FRK: variants seen among roughly 807,000 people sequenced by gnomAD.
The protein encoded by FRK is tyrosine-protein kinase FRK.
Under a neutral mutation model 56.4 loss-of-function variants are expected in FRK, and 51 were observed. The ratio of observed to expected loss-of-function variants is 0.90; its 90% CI spans 0.72 to 1.14. The LOEUF (loss-of-function observed/expected upper bound fraction) is 1.14, where lower values mean the gene tolerates loss of function less well. FRK is among the 50% of genes most tolerant of loss of function. The probability of loss-of-function intolerance (pLI) is 0.00; values close to 1 mark genes in which losing one functional copy is unlikely to be tolerated. For missense variants in FRK, 570 were observed against 601.4 expected (o/e 0.95, Z 0.55); for synonymous variants, 245 against 217.9 (o/e 1.12, Z -1.10).
In FRK at chr6:116,043,985, A is replaced by G. The variant is rs373660306; in HGVS notation, c.344+15983T>C. Among the ~76,000 whole-genome samples, 9 of 152,236 alleles carry G rather than the reference A, an allele frequency of 5.9e-5. No homozygotes were observed. In the East Asian group the frequency reaches 1.5e-3, roughly 26 times the overall value. On this transcript the variant is annotated intron_variant, in intron 1 of 7. Coordinates refer to ENST00000606080, the MANE Select transcript of FRK (RefSeq NM_002031.3). ...TACACAAATAAACTAGAAAATCCAG[A>G]AGAAATGGATAAATTCCTGGAAACA...
intron 5 of FRK, among the ~76,000 whole-genome samples, chr6:115,952,394 A>G (rs1772798969): frequency 6.6e-6 from 1 of 152,266 alleles, no homozygotes; most frequent in African/African-American, 2.4e-5. Flanking sequence ...ACCAGTTAGA[A>G]TGGCAATCAT....
chr6:116,096,664 T>C, the FRK span, among the ~76,000 whole-genome samples: 1 of 152,006 alleles, frequency 6.6e-6, no homozygotes, highest in Admixed American at 6.5e-5. Context: ...ATCAGCACTC[T>C]ATAAAATGGA....
chr6:115,952,325 G>A (rs113364371), intron 5 of FRK, among the ~76,000 whole-genome samples: 5,139 of 152,074 alleles, frequency 0.034, 103 homozygotes, highest in Non-Finnish European at 0.054. Context: ...AAAAAAATGC[G>A]CACCATCACT....
rs374267660 is a variant in FRK, at chr6:116,060,198, G to T, written c.114C>A (p.Pro38=). The T allele has an allele frequency of 6.2e-7, 1 of 1,614,152 alleles. No homozygotes were observed. The change falls in exon 1 of 8, where the codon CCC becomes CCA. Residue 38 remains proline, a synonymous_variant. Coordinates refer to ENST00000606080, the MANE Select transcript of FRK (RefSeq NM_002031.3). ...VIENPGALCS[P]QSQRHGHYFV... The stretch of plus-strand genomic sequence containing the variant: ...AGTAGTGGCCATGCCTCTGTGACTG[G>T]GGAGAGCAAAGGGCCCCTGGATTTT...
At chr6:116,034,907 A>G (rs1323731685) in intron 1 of FRK, among the ~76,000 whole-genome samples, 1 of 152,102 alleles carries the variant, frequency 6.6e-6, no homozygotes, top group Non-Finnish European at 1.5e-5. Flanking sequence ...ATTTGCTTCA[A>G]AATAACACCA....
chr6:115,956,437 A>T lies in FRK; in HGVS notation c.958+15T>A. ...AAATTCCTCTTTTTTTCCTTGTATT[A>T]AGTCTTTAGCTTACTTTGGAGATAT... On this transcript the variant is annotated intron_variant, in intron 5 of 7. Transcript: ENST00000606080. The T allele has an allele frequency of 1.3e-6, 2 of 1,486,322 alleles. No homozygotes were observed. Among genetic ancestry groups the T allele is most frequent in the Non-Finnish European group, 9.0e-7 (1 of 1,115,312 alleles). The allele number at this position is 1,486,322 out of a possible 1,614,324, so 92.1% of individuals were successfully genotyped here.
chr6:116,059,589 G>A (rs1241563529), intron 1 of FRK, among the ~76,000 whole-genome samples: 3 of 152,120 alleles, frequency 2.0e-5, no homozygotes, highest in Admixed American at 6.5e-5. Context: ...CTGAAGTTTA[G>A]ATTTGAGAAT....
At chr6:116,030,734 C>T (rs1296728310) in intron 1 of FRK, among the ~76,000 whole-genome samples, 2 of 152,164 alleles carry the variant, frequency 1.3e-5, no homozygotes, top group Non-Finnish European at 2.9e-5. Context: ...GTATCCTTTA[C>T]AATATCCTTT....
At position 115,942,276 on chromosome 6, in the gene FRK, A is replaced by G; in HGVS notation, c.*138T>C. 1 of 695,414 alleles carries G rather than the reference A, an allele frequency of 1.4e-6. No homozygotes were observed. The highest frequency in any genetic ancestry group is 2.4e-6 in the Non-Finnish European group (1 of 414,590). 43.1% of individuals were successfully genotyped at this position (695,414 alleles called of 1,614,324 possible). A position where few individuals can be genotyped will look rare whatever the true frequency, so the allele number is the denominator to read the frequency against. On this transcript the variant is annotated 3_prime_UTR_variant, in exon 8 of 8. Transcript: ENST00000606080. ...AAAATGCACAAATAATCTTTTTCAT[A>G]ATACATGGCCAACTTTATCCTATCA...
chr6:116,027,330 A>T (rs1776130474), intron 1 of FRK, among the ~76,000 whole-genome samples: 1 of 152,206 alleles, frequency 6.6e-6, no homozygotes, highest in African/African-American at 2.4e-5. Context: ...TGACAGAAGA[A>T]AATACTTATA....
chr6:116,059,457 T>G (rs1777532099), intron 1 of FRK, among the ~76,000 whole-genome samples: 1 of 152,138 alleles, frequency 6.6e-6, no homozygotes, highest in African/African-American at 2.4e-5. Context: ...ATCTTCTAAG[T>G]GTTGTCTTCT....
chr6:115,944,288 T>G lies in FRK; in HGVS notation c.1096A>C (p.Asn366His). 1.9e-6 allele frequency: 3 copies of G among 1,612,846 alleles called. No individual in the cohort carries two copies. The highest frequency in any genetic ancestry group is 2.5e-6 in the Non-Finnish European group (3 of 1,179,584). Reference protein sequence around the residue: ...AARNVLVGEHNIYKVADFGLA... With the variant: ...AARNVLVGEHHIYKVADFGLA... ...CCAAAATCTGCTACTTTGTAGATAT[T>G]ATGTTCACCAACGAGGACATTTCTG... is the stretch of plus-strand genomic sequence containing the variant. The change falls in exon 6 of 8, where the codon AAT becomes CAT. Residue 366 changes from asparagine to histidine, a missense_variant. Asn to His is a moderately conservative substitution (Grantham distance 68, BLOSUM62 1). Coordinates refer to ENST00000606080, the MANE Select transcript of FRK (RefSeq NM_002031.3).
chr6:116,094,084 T>C, the FRK span, among the ~76,000 whole-genome samples: 2 of 152,172 alleles, frequency 1.3e-5, no homozygotes, highest in African/African-American at 2.4e-5. Context: ...AGCAGGCCAG[T>C]CACCCAGTAG....
At chr6:116,054,473 A>ATAG (rs1164378880) in intron 1 of FRK, among the ~76,000 whole-genome samples, 1 of 143,452 alleles carries the variant, frequency 7.0e-6, no homozygotes, top group Non-Finnish European at 1.5e-5. Flanking sequence ...AATATAATAT[A>ATAG]TATAATATAT....
Position 115,942,169 on chromosome 6 carries a change from C to A in FRK, c.*245G>T. ...AAGTATCTCTTAAAAAGAAAAATAA[C>A]TTGGTTTAGTGTGCTTAATTTTACC... On this transcript the variant is annotated 3_prime_UTR_variant, in exon 8 of 8. Coordinates refer to ENST00000606080, the MANE Select transcript of FRK (RefSeq NM_002031.3). The A allele has an allele frequency of 2.8e-6, 1 of 356,864 alleles. No individual in the cohort carries two copies. The highest frequency in any genetic ancestry group is 5.2e-6 in the Non-Finnish European group (1 of 193,398). 22.1% of individuals were successfully genotyped at this position (356,864 alleles called of 1,614,324 possible). A position where few individuals can be genotyped will look rare whatever the true frequency, so the allele number is the denominator to read the frequency against.
intron 4 of FRK, among the ~76,000 whole-genome samples, chr6:115,959,922 T>G (rs1202599568): frequency 6.6e-6 from 1 of 152,042 alleles, no homozygotes; most frequent in African/African-American, 2.4e-5. Context: ...GTGGAACCCT[T>G]AGTGTCTCCA....
At chr6:115,944,675 A>G (rs1194380597) in intron 5 of FRK, among the ~76,000 whole-genome samples, 1 of 152,122 alleles carries the variant, frequency 6.6e-6, no homozygotes, top group Non-Finnish European at 1.5e-5. Flanking sequence ...ACGTGGCTGC[A>G]ATTATCTGAG....
chr6:115,946,372 A>G (rs149394877), intron 5 of FRK, among the ~76,000 whole-genome samples: 17 of 152,286 alleles, frequency 1.1e-4, no homozygotes, highest in Non-Finnish European at 2.1e-4. Context: ...TAACTACTTT[A>G]TGGTATTCGT....
upstream of FRK, among the ~76,000 whole-genome samples, chr6:116,062,136 A>G (rs530914488): frequency 3.2e-4 from 48 of 152,244 alleles, no homozygotes; most frequent in African/African-American, 1.1e-3. Flanking sequence ...TTAAAATAAA[A>G]TCTTGTGTTA....
Sources: allele counts gnomAD v4.1 joint callset (sites outside exome capture counted in the v4.1 genomes callset), GRCh38; gene constraint gnomAD v4.1.1; transcripts MANE v1.5; gene names NCBI Gene and HGNC (gene_info 2026-07-23, HGNC 2026-07-21).